Variants in SLC8A3 observed in about 807,000 individuals in gnomAD.
SLC8A3 encodes sodium/calcium exchanger 3.
SLC8A3 carries 37 observed loss-of-function variants against 65.4 expected under a neutral mutation model. The observed-to-expected ratio is 0.57, with a 90% confidence interval of 0.44 to 0.74. The LOEUF (loss-of-function observed/expected upper bound fraction) is 0.74, where lower values mean the gene tolerates loss of function less well. Ranked by LOEUF, SLC8A3 falls within the 30% of genes least tolerant of loss-of-function variation. SLC8A3 has a pLI of 0.00. For synonymous variants in SLC8A3, 461 were observed against 444.5 expected (o/e 1.04, Z -0.47); for missense variants, 1,112 against 1,172.1 (o/e 0.95, Z 0.75).
intron 1 of SLC8A3, among the ~76,000 whole-genome samples, chr14:70,178,951 C>A (rs1019535495): frequency 6.6e-6 from 1 of 152,092 alleles, no homozygotes; most frequent in Non-Finnish European, 1.5e-5. Context: ...TCTGTGGCAC[C>A]CCACCCCCTA....
At chr14:70,123,739 C>G (rs1003820111) in intron 2 of SLC8A3, among the ~76,000 whole-genome samples, 3 of 152,114 alleles carry the variant, frequency 2.0e-5, no homozygotes, top group Non-Finnish European at 4.4e-5. Context: ...CGTGAGCCAC[C>G]GTGCCCAGCC....
chr14:70,130,475 C>A lies in SLC8A3; in HGVS notation c.1784+36164G>T, dbSNP rs181541151. On this transcript the variant is annotated intron_variant, in intron 2 of 6. Coordinates refer to ENST00000356921, the MANE Select transcript of SLC8A3 (RefSeq NM_182932.3). ...AGATACAAATGATATTTCTCAGGAT[C>A]ACCACCCACATTGGGGGAACACTGT... Among the ~76,000 whole-genome samples, 133 of 152,306 alleles carry A rather than the reference C, an allele frequency of 8.7e-4. 1 individual carries two copies. The highest frequency in any genetic ancestry group is 3.4e-3 in the Middle Eastern group (1 of 294).
chr14:70,148,423 G>A (rs998728508), intron 2 of SLC8A3, among the ~76,000 whole-genome samples: 2 of 152,162 alleles, frequency 1.3e-5, no homozygotes, highest in African/African-American at 4.8e-5. Context: ...GTTGGCAGAA[G>A]AGGGTACTTT....
At chr14:70,075,503 C>T (rs1890422825) in intron 2 of SLC8A3, among the ~76,000 whole-genome samples, 1 of 152,200 alleles carries the variant, frequency 6.6e-6, no homozygotes, top group Non-Finnish European at 1.5e-5. Flanking sequence ...CTCTGGCCTT[C>T]ACTTTTGCCT....
At chr14:70,080,637 C>T (rs544125962) in intron 2 of SLC8A3, among the ~76,000 whole-genome samples, 1 of 152,292 alleles carries the variant, frequency 6.6e-6, no homozygotes, top group African/African-American at 2.4e-5. Flanking sequence ...GACTCCTTCA[C>T]AGGAAGAAAG....
intron 2 of SLC8A3, among the ~76,000 whole-genome samples, chr14:70,135,791 G>T (rs1468994165): frequency 1.3e-5 from 2 of 152,106 alleles, no homozygotes; most frequent in African/African-American, 4.8e-5. Context: ...GTTAATGGGT[G>T]CAAAAGTACA....
chr14:70,140,879 C>T (rs761076688), intron 2 of SLC8A3, among the ~76,000 whole-genome samples: 20 of 152,182 alleles, frequency 1.3e-4, no homozygotes, highest in Non-Finnish European at 2.6e-4. Flanking sequence ...TATCTGATTA[C>T]TTCCCCCTAA....
At chr14:70,174,777 G>A (rs1897798540) in intron 1 of SLC8A3, among the ~76,000 whole-genome samples, 1 of 149,620 alleles carries the variant, frequency 6.7e-6, no homozygotes, top group African/African-American at 2.5e-5. Flanking sequence ...TTTCTGATGA[G>A]GGGTGGAGAC....
At chr14:70,051,684 G>T (rs1887524799) in intron 4 of SLC8A3, among the ~76,000 whole-genome samples, 2 of 152,170 alleles carry the variant, frequency 1.3e-5, no homozygotes, top group South Asian at 4.1e-4. Flanking sequence ...TTGCCCTGTA[G>T]TAGTGAGTTT....
chr14:70,111,636 G>A (rs539428776), intron 2 of SLC8A3, among the ~76,000 whole-genome samples: 2 of 152,208 alleles, frequency 1.3e-5, no homozygotes, highest in African/African-American at 2.4e-5. Context: ...TGACATATCG[G>A]CTGGCAACTT....
chr14:70,174,437 GC>G (rs1396611169), intron 1 of SLC8A3, among the ~76,000 whole-genome samples: 1 of 152,142 alleles, frequency 6.6e-6, no homozygotes, highest in Non-Finnish European at 1.5e-5. Flanking sequence ...AGTCAAACAT[GC>G]TTTGATGACA....
chr14:70,057,079 AT>A (rs1473196547), intron 3 of SLC8A3, among the ~76,000 whole-genome samples: 1 of 152,096 alleles, frequency 6.6e-6, no homozygotes, highest in South Asian at 2.1e-4. Flanking sequence ...CTGTGAATCA[AT>A]TTTTTTCCTA....
chr14:70,130,221 G>A (rs1216239961), intron 2 of SLC8A3, among the ~76,000 whole-genome samples: 1 of 152,226 alleles, frequency 6.6e-6, no homozygotes, highest in Non-Finnish European at 1.5e-5. Flanking sequence ...GCCCGCCTAT[G>A]CATGCATTTT....
At chr14:70,058,129 T>C (rs1426870005) in intron 3 of SLC8A3, among the ~76,000 whole-genome samples, 1 of 152,206 alleles carries the variant, frequency 6.6e-6, no homozygotes, top group Non-Finnish European at 1.5e-5. Context: ...AAATAGAGTC[T>C]CCTATTTCAA....
At chr14:70,077,647 T>A (rs1156438606) in intron 2 of SLC8A3, among the ~76,000 whole-genome samples, 2 of 152,206 alleles carry the variant, frequency 1.3e-5, no homozygotes, top group Non-Finnish European at 2.9e-5. Flanking sequence ...TACTTCCTTC[T>A]AGCCCCATTC....
chr14:70,177,509 G>C (rs1250649671), intron 1 of SLC8A3, among the ~76,000 whole-genome samples: 1 of 152,212 alleles, frequency 6.6e-6, no homozygotes, highest in Non-Finnish European at 1.5e-5. Flanking sequence ...ACTGGGGCCA[G>C]CTGCATGAAC....
chr14:70,046,260 A>T lies in SLC8A3; in HGVS notation c.2453T>A (p.Val818Glu). 1 of 1,614,198 alleles carries T rather than the reference A, an allele frequency of 6.2e-7. No homozygotes were observed. Among genetic ancestry groups the T allele is most frequent in the Non-Finnish European group, 8.5e-7 (1 of 1,180,008 alleles). The change falls in exon 7 of 7, where the codon GTG (valine) becomes GAG (glutamate). Residue 818 changes from valine (V) to glutamate (E), a missense_variant. By Grantham distance (121) the Val-to-Glu change is moderately radical. Transcript: ENST00000356921. The surrounding 1 kb of genome is among the most constrained non-coding windows in gnomAD (Gnocchi z 4.2). ...GACATTGACGGCGTTGCTGCCCGTC[A>T]CGTTGCCAATGGAGGCGTCTGCATA... ...DVYADASIGN[V>E]TGSNAVNVFL... is the part of the protein sequence containing the mutation.
chr14:70,075,765 C>G (rs892581671), intron 2 of SLC8A3, among the ~76,000 whole-genome samples: 7 of 152,188 alleles, frequency 4.6e-5, no homozygotes, highest in African/African-American at 1.7e-4. Context: ...ATGCTGCTCC[C>G]CTACTTAAAT....
At chr14:70,162,593 C>T (rs1280595210) in intron 2 of SLC8A3, among the ~76,000 whole-genome samples, 1 of 152,132 alleles carries the variant, frequency 6.6e-6, no homozygotes, top group Non-Finnish European at 1.5e-5. Context: ...CTGCAATAAT[C>T]TGTTATTTTG....
Sources: gnomAD v4.1 joint callset for allele counts (sites outside exome capture counted in the v4.1 genomes callset) on GRCh38, gnomAD v4.1.1 for gene constraint, Gnocchi (gnomAD v3.1) non-coding constraint, MANE v1.5 for transcripts, NCBI Gene and HGNC (gene_info 2026-07-23, HGNC 2026-07-21) for gene names.